The following CA10 variants were observed in gnomAD, a reference collection of about 807,000 sequenced individuals.
CA10 encodes carbonic anhydrase-related protein 10.
CA10 carries 14 observed loss-of-function variants against 44.2 expected under a neutral mutation model. That is an observed-to-expected ratio of 0.32 (90% CI 0.21 to 0.50). CA10 has a LOEUF of 0.50. CA10 is among the 20% of genes least tolerant of loss of function. The pLI is 0.99. For synonymous variants in CA10, 159 were observed against 141.6 expected, an observed-to-expected ratio of 1.12 and a Z score of -0.87; for missense variants, 350 against 409.7, an observed-to-expected ratio of 0.85 and a Z score of 1.26.
intron 1 of CA10, among the ~76,000 whole-genome samples, chr17:52,131,918 C>A (rs991902252): frequency 4.6e-5 from 7 of 151,868 alleles, no homozygotes; most frequent in Admixed American, 6.6e-5. Context: ...GGACAAAAAA[C>A]CAAACACTGC....
intron 3 of CA10, 84 bp from the exon 4 acceptor site, chr17:51,747,902 C>T (rs145522191): frequency 0.028 from 29,038 of 1,027,676 alleles, 519 homozygotes; most frequent in Non-Finnish European, 0.036. Context: ...GGATCAACAC[C>T]TTTTGCTTCC....
chr17:51,700,346 C>T (rs1915550750), intron 4 of CA10, among the ~76,000 whole-genome samples: 1 of 152,170 alleles, frequency 6.6e-6, no homozygotes, highest in African/African-American at 2.4e-5. Context: ...CAAAGCTCTC[C>T]ACCCCACTCA....
intron 1 of CA10, among the ~76,000 whole-genome samples, chr17:52,135,743 T>G (rs1989343387): frequency 6.6e-6 from 1 of 152,154 alleles, no homozygotes; most frequent in Admixed American, 6.5e-5. Flanking sequence ...TTGATACTTG[T>G]CTCCCTCTCT....
At chr17:51,710,038 T>C (rs191754811) in intron 4 of CA10, among the ~76,000 whole-genome samples, 70 of 152,254 alleles carry the variant, frequency 4.6e-4, no homozygotes, top group African/African-American at 1.6e-3. Context: ...CTATGAAAAG[T>C]TTCCAAATTG....
At chr17:51,653,759 A>C in intron 4 of CA10, 23 bp from the exon 5 acceptor site, 1 of 1,368,080 alleles carries the variant, frequency 7.3e-7, no homozygotes, top group Non-Finnish European at 1.0e-6. Flanking sequence ...AAAAACAAGA[A>C]TCAGAACAAT....
intron 4 of CA10, among the ~76,000 whole-genome samples, chr17:51,681,461 G>A (rs1370305692): frequency 6.6e-6 from 1 of 152,184 alleles, no homozygotes. Context: ...TCTTGGCACT[G>A]TTCATATATT....
chr17:52,090,756 A>C (rs555795936), intron 1 of CA10, among the ~76,000 whole-genome samples: 3 of 152,166 alleles, frequency 2.0e-5, no homozygotes, highest in Admixed American at 6.5e-5. Flanking sequence ...CTCTCACAGA[A>C]CATTCAGAGA....
chr17:51,789,049 A>G (rs190377063), intron 3 of CA10, among the ~76,000 whole-genome samples: 1 of 152,278 alleles, frequency 6.6e-6, no homozygotes, highest in African/African-American at 2.4e-5. Flanking sequence ...TCTCTCAATC[A>G]CCCAGGCTGG....
rs577587938 is a variant in CA10, at chr17:51,642,324, T to C, written c.635-6315A>G. Among the ~76,000 whole-genome samples, 25 of 152,330 alleles carry C rather than the reference T, an allele frequency of 1.6e-4. No homozygotes were observed. The East Asian group carries it at 3.7e-3, about 22-fold the overall frequency. ...ACCAGGAGCAATATGCTTAAACTCC[T>C]TGGTGATATTTCGTCACATTTAACA... On this transcript the variant is annotated intron_variant, in intron 6 of 8. Transcript: ENST00000451037.
chr17:51,730,970 T>TTA (rs1417267096), intron 4 of CA10, among the ~76,000 whole-genome samples: 1 of 151,848 alleles, frequency 6.6e-6, no homozygotes, highest in Admixed American at 6.6e-5. Context: ...AATAGAGTTG[T>TTA]TATAGACCAA....
intron 3 of CA10, among the ~76,000 whole-genome samples, chr17:51,774,415 G>A (rs1246495360): frequency 6.6e-6 from 1 of 151,448 alleles, no homozygotes; most frequent in Non-Finnish European, 1.5e-5. Context: ...TGGTGGGAGG[G>A]GTGAGTGGAA....
At chr17:52,103,564 C>T (rs1988589875) in intron 1 of CA10, among the ~76,000 whole-genome samples, 1 of 152,154 alleles carries the variant, frequency 6.6e-6, no homozygotes, top group South Asian at 2.1e-4. Context: ...ACTGCTGACC[C>T]TTAAATTAGG....
intron 1 of CA10, among the ~76,000 whole-genome samples, chr17:52,146,213 T>C (rs1429168037): frequency 6.6e-6 from 1 of 152,028 alleles, no homozygotes; most frequent in Non-Finnish European, 1.5e-5. Context: ...GTAACAAACC[T>C]GCATGTTGTG....
rs370539860 is a variant in CA10, at chr17:52,099,158, G to GA, written c.62-26766dup. On this transcript the variant is annotated intron_variant, in intron 1 of 8. Transcript: ENST00000451037. ...GGAAGACGCCATGTATAGATAATAA[G>GA]AAAAAAAAGGGTCACAGGCAGGAAA... 7.5e-3 allele frequency among the ~76,000 whole-genome samples: 1,134 copies of GA among 151,510 alleles called. 9 individuals carry two copies. The highest frequency in any genetic ancestry group is 0.012 in the Non-Finnish European group (831 of 67,842).
chr17:52,052,980 G>T (rs1987121092), intron 2 of CA10, among the ~76,000 whole-genome samples: 2 of 151,612 alleles, frequency 1.3e-5, no homozygotes, highest in Non-Finnish European at 1.5e-5. Flanking sequence ...GTGTGTGGTG[G>T]CTTCCTACTA....
At chr17:51,981,241 T>C (rs1002089530) in intron 2 of CA10, among the ~76,000 whole-genome samples, 2 of 152,152 alleles carry the variant, frequency 1.3e-5, no homozygotes, top group East Asian at 1.9e-4. Context: ...AGTATCTTTA[T>C]TGATCATAAC....
intron 4 of CA10, among the ~76,000 whole-genome samples, chr17:51,679,790 A>G (rs1259224181): frequency 1.3e-5 from 2 of 152,266 alleles, no homozygotes; most frequent in Admixed American, 6.5e-5. Flanking sequence ...CGTACAGCAG[A>G]TTCAGCAAAC....
intron 3 of CA10, among the ~76,000 whole-genome samples, chr17:51,785,821 A>AT (rs937507463): frequency 6.6e-6 from 1 of 152,030 alleles, no homozygotes; most frequent in African/African-American, 2.4e-5. Context: ...TTTAAGGATT[A>AT]TTTTTTCTAT....
chr17:51,982,182 A>G (rs569582882), intron 2 of CA10, among the ~76,000 whole-genome samples: 1 of 152,148 alleles, frequency 6.6e-6, no homozygotes, highest in Non-Finnish European at 1.5e-5. Context: ...TGCATAAATA[A>G]TACAGGCACT....
Sources: allele counts gnomAD v4.1 joint callset (sites outside exome capture counted in the v4.1 genomes callset), GRCh38; gene constraint gnomAD v4.1.1; transcripts MANE v1.5; gene names NCBI Gene and HGNC (gene_info 2026-07-23, HGNC 2026-07-21).